The following DPP6 variants were observed in gnomAD, a reference collection of about 807,000 sequenced individuals.
DPP6 encodes the protein dipeptidyl peptidase like 6, also known as A-type potassium channel modulatory protein DPP6.
A neutral mutation model predicts 122.6 loss-of-function variants in DPP6; 69 were observed. That is an observed-to-expected ratio of 0.56 (90% CI 0.46 to 0.69). The LOEUF is 0.69. Ranked by LOEUF, DPP6 falls within the 30% of genes least tolerant of loss-of-function variation. The pLI is 0.00. For synonymous variants in DPP6, 418 were observed against 433.1 expected (o/e 0.97, Z 0.43); for missense variants, 928 against 1,116.9 (o/e 0.83, Z 2.41).
chr7:154,395,802 T>A (rs1326512582), intron 1 of DPP6, among the ~76,000 whole-genome samples: 1 of 152,128 alleles, frequency 6.6e-6, no homozygotes, highest in Non-Finnish European at 1.5e-5. Flanking sequence ...ATCAAATAAG[T>A]GGTAAAAGTT....
rs746301990 is a variant in DPP6 at position 154,795,800 on chromosome 7, AAGAAAAG to A, written c.1261-43_1261-37del. On this transcript the variant is annotated intron_variant, in intron 11 of 25. Transcript: ENST00000377770. Reference sequence around the variant, plus strand: ...CAATACATGCAAAAAAAAAAAAGAAAAGAAAAGAAAAACCCTCTTGTCTAATGCTCTC... The same window carrying A: ...CAATACATGCAAAAAAAAAAAAGAAAAAAAACCCTCTTGTCTAATGCTCTC... The A allele has an allele frequency of 3.5e-5, 25 of 708,638 alleles. No individual in the cohort carries two copies. The Admixed American group carries it at 4.8e-4, about 14-fold the overall frequency. 43.9% of individuals were successfully genotyped at this position (708,638 alleles called of 1,614,324 possible). A position where few individuals can be genotyped will look rare whatever the true frequency, so the allele number is the denominator to read the frequency against.
intron 7 of DPP6, among the ~76,000 whole-genome samples, chr7:154,695,003 A>G (rs1840137498): frequency 6.6e-6 from 1 of 152,322 alleles, no homozygotes; most frequent in South Asian, 2.1e-4. Context: ...AAGATTTGAG[A>G]TTTGCATAGA....
intron 3 of DPP6, among the ~76,000 whole-genome samples, chr7:154,519,981 C>G (rs75156879): frequency 0.069 from 10,490 of 152,144 alleles, 393 homozygotes; most frequent in Middle Eastern, 0.12. Flanking sequence ...GCACAGTAAC[C>G]CTTTCAGAAA....
chr7:154,090,057 G>A (rs1804697000), intron 1 of DPP6, among the ~76,000 whole-genome samples: 1 of 152,202 alleles, frequency 6.6e-6, no homozygotes, highest in Non-Finnish European at 1.5e-5. Context: ...TGCCTGTGAA[G>A]ATGTGATGAG....
At chr7:154,357,956 A>AG (rs913254158) in intron 1 of DPP6, among the ~76,000 whole-genome samples, 2 of 151,938 alleles carry the variant, frequency 1.3e-5, no homozygotes, top group African/African-American at 2.4e-5. Context: ...CAAAAAAAAA[A>AG]AAAAGAAAAG....
At chr7:153,936,384 T>C (rs891552315) in intron 1 of DPP6, among the ~76,000 whole-genome samples, 2 of 152,164 alleles carry the variant, frequency 1.3e-5, no homozygotes, top group Non-Finnish European at 1.5e-5. Context: ...GGGAACGTCC[T>C]GCAGCTGTTC....
chr7:154,849,390 T>A (rs1802199735), intron 16 of DPP6, among the ~76,000 whole-genome samples: 1 of 152,230 alleles, frequency 6.6e-6, no homozygotes, highest in Non-Finnish European at 1.5e-5. Context: ...ACATATTTTT[T>A]ACTTCCTTGA....
chr7:154,565,897 T>C (rs1200378272), intron 4 of DPP6, among the ~76,000 whole-genome samples: 8 of 152,214 alleles, frequency 5.3e-5, no homozygotes, highest in African/African-American at 1.7e-4. Flanking sequence ...CATAGAGTGA[T>C]GTCCACCAAG....
At chr7:153,907,637 G>A (rs1161950145) in intron 1 of DPP6, among the ~76,000 whole-genome samples, 1 of 152,140 alleles carries the variant, frequency 6.6e-6, no homozygotes, top group Admixed American at 6.5e-5. Flanking sequence ...AGTGGGCCTT[G>A]TCCAATCAGT....
intron 1 of DPP6, among the ~76,000 whole-genome samples, chr7:154,023,317 T>TACACACACACAC (rs1563109129): frequency 4.9e-5 from 2 of 40,964 alleles, no homozygotes; most frequent in Non-Finnish European, 8.9e-5. Flanking sequence ...GTTTCTTGTC[T>TACACACACACAC]GCACACACAC....
chr7:154,112,369 G>T (rs1004234043), intron 1 of DPP6, among the ~76,000 whole-genome samples: 1 of 152,096 alleles, frequency 6.6e-6, no homozygotes, highest in Admixed American at 6.6e-5. Context: ...AGGTGGCCAG[G>T]CATGGTGGCT....
At chr7:154,137,627 G>A (rs1451389303) in intron 1 of DPP6, among the ~76,000 whole-genome samples, 1 of 128,248 alleles carries the variant, frequency 7.8e-6, no homozygotes, top group African/African-American at 2.9e-5. Flanking sequence ...GGACGAAGCA[G>A]CAGGAGGAGA....
chr7:153,940,764 C>T (rs2129016599), intron 1 of DPP6, among the ~76,000 whole-genome samples: 1 of 152,292 alleles, frequency 6.6e-6, no homozygotes, highest in East Asian at 1.9e-4. Flanking sequence ...CTCCAGCTGC[C>T]ACCTGGAGTA....
upstream of DPP6, among the ~76,000 whole-genome samples, chr7:154,051,177 T>C: frequency 8.1e-6 from 1 of 123,846 alleles, no homozygotes. Flanking sequence ...CAGGGAGCCT[T>C]AGGCAGTCCT....
intron 17 of DPP6, among the ~76,000 whole-genome samples, chr7:154,854,522 G>A (rs769540765): frequency 6.6e-6 from 1 of 152,174 alleles, no homozygotes; most frequent in Non-Finnish European, 1.5e-5. Context: ...CAAAGGTGGA[G>A]GACGAGGAAC....
intron 5 of DPP6, among the ~76,000 whole-genome samples, chr7:154,626,008 C>T (rs1034655993): frequency 1.3e-5 from 2 of 152,022 alleles, no homozygotes; most frequent in Non-Finnish European, 2.9e-5. Context: ...GGTTGGCTGC[C>T]AGGCTGGTGT....
intron 1 of DPP6, among the ~76,000 whole-genome samples, chr7:154,385,014 G>T (rs368767833): frequency 8.6e-5 from 13 of 151,878 alleles, no homozygotes; most frequent in African/African-American, 2.9e-4. Flanking sequence ...TCGCTCTGTC[G>T]CCCAGGAGTG....
chr7:154,023,010 T>C (rs989882990), intron 1 of DPP6, among the ~76,000 whole-genome samples: 9 of 152,098 alleles, frequency 5.9e-5, no homozygotes, highest in Non-Finnish European at 8.8e-5. Context: ...GGAAGAACCT[T>C]CTACAGCCTG....
chr7:154,882,669 G>A (rs375763920), intron 21 of DPP6, among the ~76,000 whole-genome samples: 12 of 150,772 alleles, frequency 8.0e-5, no homozygotes, highest in South Asian at 6.4e-4. Flanking sequence ...TTTCCCCCCC[G>A]ACACCGAAAA....
Sources: allele counts gnomAD v4.1 joint callset (sites outside exome capture counted in the v4.1 genomes callset), GRCh38; gene constraint gnomAD v4.1.1; transcripts MANE v1.5; gene names NCBI Gene and HGNC (gene_info 2026-07-23, HGNC 2026-07-21).